EYA2: variants seen among roughly 807,000 people sequenced by gnomAD.
EYA2 encodes the protein EYA transcriptional coactivator and phosphatase 2.
EYA2 carries 31 observed loss-of-function variants against 69.2 expected under a neutral mutation model. The ratio of observed to expected loss-of-function variants is 0.45; its 90% CI spans 0.34 to 0.60. The LOEUF (loss-of-function observed/expected upper bound fraction) is 0.60, where lower values mean the gene tolerates loss of function less well. EYA2 is among the 20% of genes least tolerant of loss of function. The probability of loss-of-function intolerance (pLI) is 0.02; values close to 1 mark genes in which losing one functional copy is unlikely to be tolerated. For missense variants in EYA2, 622 were observed against 701.2 expected (o/e 0.89, Z 1.28); for synonymous variants, 257 against 279.4 (o/e 0.92, Z 0.80).
At chr20:47,033,227 C>A (rs1984519427) in intron 5 of EYA2, among the ~76,000 whole-genome samples, 1 of 152,100 alleles carries the variant, frequency 6.6e-6, no homozygotes, top group African/African-American at 2.4e-5. Flanking sequence ...AATACCGAAG[C>A]CTACTAGAGA....
At chr20:46,900,460 T>C (rs1984043556) in intron 1 of EYA2, among the ~76,000 whole-genome samples, 1 of 152,242 alleles carries the variant, frequency 6.6e-6, no homozygotes, top group Admixed American at 6.5e-5. Context: ...CAACCATTAT[T>C]GTTTCTGCAG....
At chr20:46,908,869 AC>A (rs1445376865) in intron 1 of EYA2, among the ~76,000 whole-genome samples, 12 of 62,926 alleles carry the variant, frequency 1.9e-4, no homozygotes, top group African/African-American at 8.7e-4. Flanking sequence ...TCTCTCCCGC[AC>A]TTTTTTTTTT....
intron 8 of EYA2, among the ~76,000 whole-genome samples, chr20:47,093,040 G>A (rs1017052738): frequency 1.3e-5 from 2 of 152,210 alleles, no homozygotes; most frequent in Non-Finnish European, 1.5e-5. Flanking sequence ...GAGTATCAGC[G>A]AGGCACTGGA....
chr20:46,986,286 CTATA>C (rs1161956945), intron 1 of EYA2, among the ~76,000 whole-genome samples: 1 of 128,692 alleles, frequency 7.8e-6, no homozygotes, highest in Non-Finnish European at 1.7e-5. Context: ...TAATATATCT[CTATA>C]TATCTAATGT....
intron 1 of EYA2, among the ~76,000 whole-genome samples, chr20:46,968,150 A>G (rs1365201802): frequency 6.6e-6 from 1 of 152,192 alleles, no homozygotes; most frequent in Non-Finnish European, 1.5e-5. Flanking sequence ...TTTCTTAGAA[A>G]TGTGGCTTCT....
intron 5 of EYA2, among the ~76,000 whole-genome samples, chr20:47,028,448 AT>A (rs1255108930): frequency 1.3e-5 from 2 of 152,160 alleles, no homozygotes; most frequent in Non-Finnish European, 2.9e-5. Context: ...TATCAGACGG[AT>A]TTTCAAAGCA....
At chr20:47,138,356 G>A (rs2033524122) in intron 9 of EYA2, among the ~76,000 whole-genome samples, 1 of 152,164 alleles carries the variant, frequency 6.6e-6, no homozygotes, top group Non-Finnish European at 1.5e-5. Flanking sequence ...CCAAGAGTAG[G>A]TGGGTATTCT....
intron 3 of EYA2, among the ~76,000 whole-genome samples, chr20:47,004,433 T>G (rs1483453036): frequency 6.6e-6 from 1 of 152,198 alleles, no homozygotes; most frequent in African/African-American, 2.4e-5. Flanking sequence ...TAGGCTATGC[T>G]ACAGTAATCA....
chr20:47,004,833 C>G (rs966776832), intron 3 of EYA2, 109 bp from the exon 4 acceptor site: 1 of 1,435,044 alleles, frequency 7.0e-7, no homozygotes, highest in South Asian at 1.2e-5. Context: ...GTTGTCTCTG[C>G]TCTGGAAAGA....
At chr20:46,968,987 A>T (rs1434884661) in intron 1 of EYA2, among the ~76,000 whole-genome samples, 1 of 152,230 alleles carries the variant, frequency 6.6e-6, no homozygotes, top group Admixed American at 6.5e-5. Flanking sequence ...AACAGTGCTG[A>T]GTGCATAATG....
chr20:47,098,537 GT>G (rs1457960315), intron 9 of EYA2, among the ~76,000 whole-genome samples: 3 of 152,060 alleles, frequency 2.0e-5, no homozygotes, highest in Non-Finnish European at 2.9e-5. Context: ...TATGATTTTT[GT>G]ATCTGTGTCT....
chr20:46,897,443 AT>A, intron 1 of EYA2, among the ~76,000 whole-genome samples: 1 of 152,288 alleles, frequency 6.6e-6, no homozygotes, highest in Non-Finnish European at 1.5e-5. Flanking sequence ...CCGTTTCCTT[AT>A]TTTTTCAGTT....
chr20:47,145,946 A>G (rs1600742365), intron 10 of EYA2, among the ~76,000 whole-genome samples: 1 of 151,922 alleles, frequency 6.6e-6, no homozygotes, highest in African/African-American at 2.4e-5. Flanking sequence ...AGGCAGAGAG[A>G]CCAGCCAAGA....
In EYA2 at chr20:46,949,006, C is replaced by T. The variant is rs58462557; in HGVS notation, c.-10-40995C>T. Among the ~76,000 whole-genome samples the T allele has an allele frequency of 5.0e-3, 758 of 152,258 alleles. 8 individuals are homozygous for T. Among genetic ancestry groups the T allele is most frequent in the African/African-American group, 0.017 (717 of 41,536 alleles). ...GCAGGAGGTGGGTGCTAATGTTACTCGCATTGTACAGATGAGGAAACTGCA... is the reference window on the plus strand; with the variant it reads ...GCAGGAGGTGGGTGCTAATGTTACTTGCATTGTACAGATGAGGAAACTGCA... On this transcript the variant is annotated intron_variant, in intron 1 of 15. Coordinates refer to ENST00000327619, the MANE Select transcript of EYA2 (RefSeq NM_005244.5).
intron 1 of EYA2, among the ~76,000 whole-genome samples, chr20:46,953,167 G>A (rs1489363121): frequency 6.6e-6 from 1 of 152,220 alleles, no homozygotes; most frequent in Non-Finnish European, 1.5e-5. Flanking sequence ...ATAATATTTA[G>A]TGTGTGTCAC....
intron 5 of EYA2, among the ~76,000 whole-genome samples, chr20:47,067,517 A>G (rs1423978924): frequency 1.3e-5 from 2 of 149,982 alleles, no homozygotes; most frequent in Admixed American, 6.7e-5. Context: ...TGATTTGATC[A>G]TTACACATTG....
At chr20:46,983,822 A>G (rs1980998874) in intron 1 of EYA2, among the ~76,000 whole-genome samples, 1 of 152,160 alleles carries the variant, frequency 6.6e-6, no homozygotes, top group Non-Finnish European at 1.5e-5. Flanking sequence ...ATAAACTGGC[A>G]AGTGTCTTGA....
chr20:47,017,964 T>C (rs1983510854), intron 5 of EYA2, among the ~76,000 whole-genome samples: 3 of 152,336 alleles, frequency 2.0e-5, no homozygotes, highest in Admixed American at 2.0e-4. Flanking sequence ...GGCACTTTCC[T>C]GCCTCCTCTG....
intron 8 of EYA2, among the ~76,000 whole-genome samples, chr20:47,093,964 C>T (rs904072042): frequency 3.3e-5 from 5 of 152,192 alleles, no homozygotes; most frequent in Non-Finnish European, 5.9e-5. Flanking sequence ...CAATAGCCCT[C>T]CCCAAAAGAC....
Sources: allele counts gnomAD v4.1 joint callset (sites outside exome capture counted in the v4.1 genomes callset), GRCh38; gene constraint gnomAD v4.1.1; transcripts MANE v1.5; gene names NCBI Gene and HGNC (gene_info 2026-07-23, HGNC 2026-07-21).